The following CERS6 variants were observed in gnomAD, a reference collection of about 807,000 sequenced individuals.
CERS6 encodes ceramide synthase 6, also known as LAG1 homolog, ceramide synthase 6.
CERS6 carries 26 observed loss-of-function variants against 56.8 expected under a neutral mutation model. The ratio of observed to expected loss-of-function variants is 0.46; its 90% CI spans 0.34 to 0.63. The LOEUF (loss-of-function observed/expected upper bound fraction) is 0.63, where lower values mean the gene tolerates loss of function less well. Ranked by LOEUF, CERS6 falls within the 30% of genes least tolerant of loss-of-function variation. The pLI is 0.01. For synonymous variants in CERS6, 164 were observed against 173.3 expected (o/e 0.95, Z 0.42); for missense variants, 415 against 467.5 (o/e 0.89, Z 1.04).
chr2:168,607,296 C>T lies in CERS6; in HGVS notation c.408-23689C>T, dbSNP rs575577262. On this transcript the variant is annotated intron_variant, in intron 3 of 9. Transcript: ENST00000305747. ...AATAATGTTGCAACATCTTTCCTTA[C>T]TTTGATTATAAGAGATAATTCATTA... Among the ~76,000 whole-genome samples, 426 of 152,220 alleles carry T rather than the reference C, an allele frequency of 2.8e-3. 5 individuals are homozygous for T. Among genetic ancestry groups the T allele is most frequent in the African/African-American group, 9.3e-3 (388 of 41,540 alleles).
chr2:168,726,173 A>T (rs539628375), intron 8 of CERS6, among the ~76,000 whole-genome samples: 2 of 152,274 alleles, frequency 1.3e-5, no homozygotes, highest in East Asian at 3.9e-4. Flanking sequence ...GATTTCCTTA[A>T]ATCTTTGCAA....
intron 1 of CERS6, among the ~76,000 whole-genome samples, chr2:168,499,379 A>G (rs1694537930): frequency 1.3e-5 from 2 of 152,254 alleles, no homozygotes; most frequent in African/African-American, 4.8e-5. Context: ...AATTAGTTAT[A>G]TAGAACACAA....
intron 3 of CERS6, among the ~76,000 whole-genome samples, chr2:168,596,555 CTT>C (rs35269601): frequency 1.7e-4 from 20 of 114,820 alleles, no homozygotes; most frequent in African/African-American, 6.2e-4. Flanking sequence ...ATCCCCCCCC[CTT>C]TTTTTTTTTT....
chr2:168,619,296 T>A (rs908095734), intron 3 of CERS6, among the ~76,000 whole-genome samples: 1 of 152,156 alleles, frequency 6.6e-6, no homozygotes, highest in Non-Finnish European at 1.5e-5. Context: ...GACATTGGCT[T>A]AAGCAAGTTT....
intron 1 of CERS6, among the ~76,000 whole-genome samples, chr2:168,536,351 A>C (rs1043327325): frequency 5.9e-5 from 9 of 152,322 alleles, no homozygotes; most frequent in Non-Finnish European, 1.3e-4. Flanking sequence ...ACACACGTAG[A>C]GATCTAATGT....
chr2:168,587,626 G>C (rs748812838), intron 3 of CERS6, among the ~76,000 whole-genome samples: 1 of 152,198 alleles, frequency 6.6e-6, no homozygotes, highest in African/African-American at 2.4e-5. Context: ...GTGAAAAACC[G>C]TCTTTGCCTT....
chr2:168,655,475 A>G (rs993048313), intron 4 of CERS6, among the ~76,000 whole-genome samples: 2 of 152,244 alleles, frequency 1.3e-5, no homozygotes, highest in African/African-American at 2.4e-5. Context: ...TATGGAAACA[A>G]CCTCAGTGTC....
Position 168,608,277 on chromosome 2 carries a change from A to G in CERS6, c.408-22708A>G, listed in dbSNP as rs1684101437. Among the ~76,000 whole-genome samples the G allele has an allele frequency of 2.6e-5, 4 of 152,120 alleles. 1 individual carries two copies. Among genetic ancestry groups the G allele is most frequent in the African/African-American group, 2.4e-5 (1 of 41,408 alleles). On this transcript the variant is annotated intron_variant, in intron 3 of 9. Transcript: ENST00000305747. ...TTTATCCATTCACCATTGAGTGGGT[A>G]TTTTTCATTGTCTTTGCTTTTTGGC...
intron 3 of CERS6, among the ~76,000 whole-genome samples, chr2:168,615,216 G>C (rs2105277688): frequency 6.6e-6 from 1 of 152,268 alleles, no homozygotes; most frequent in African/African-American, 2.4e-5. Context: ...AATCTGAACA[G>C]CAGCCTTGAA....
intron 1 of CERS6, among the ~76,000 whole-genome samples, chr2:168,538,412 A>G (rs1158096640): frequency 6.6e-6 from 1 of 152,136 alleles, no homozygotes; most frequent in East Asian, 1.9e-4. Context: ...CAGAGCCTTC[A>G]TTCTTGGCCG....
rs113951892 is a variant in CERS6, at chr2:168,714,946, A to G, written c.610-55A>G. On this transcript the variant is annotated intron_variant, in intron 6 of 9. Transcript: ENST00000305747. ...ATACTGGTTCAGTGGCTGAATGGCT[A>G]AATGGAAATGTGATGTTGCTAAACT... 5 of 1,547,318 alleles carry G rather than the reference A, an allele frequency of 3.2e-6. No individual in the cohort carries two copies. In the African/African-American group the frequency reaches 4.1e-5, roughly 13 times the overall value.
chr2:168,470,559 T>G (rs1693958175), intron 1 of CERS6, among the ~76,000 whole-genome samples: 2 of 152,182 alleles, frequency 1.3e-5, no homozygotes, highest in African/African-American at 4.8e-5. Flanking sequence ...GTTCCTGGTG[T>G]GCTAATTCAT....
intron 8 of CERS6, among the ~76,000 whole-genome samples, chr2:168,747,909 C>T (rs1240276376): frequency 6.6e-6 from 1 of 152,064 alleles, no homozygotes; most frequent in Non-Finnish European, 1.5e-5. Context: ...CAGTTCAGCC[C>T]AAAGACTTCA....
intron 1 of CERS6, among the ~76,000 whole-genome samples, chr2:168,531,037 A>G (rs1399059069): frequency 2.0e-5 from 3 of 152,220 alleles, no homozygotes; most frequent in Non-Finnish European, 4.4e-5. Context: ...TTCAGAAAAC[A>G]ATCCTTAATT....
In CERS6 at chr2:168,765,660, A is replaced by G. The variant is rs770756910; in HGVS notation, c.914A>G (p.Asn305Ser). Residue 305 changes from asparagine to serine, a missense_variant, in exon 9 of 10, where the codon AAC becomes AGC. Physicochemically the swap from Asn to Ser is conservative, Grantham distance 46. Coordinates refer to ENST00000305747, the MANE Select transcript of CERS6 (RefSeq NM_203463.3). ...CCTTACCCTTCCTGGTGGGTTTTTA[A>G]CCTACTGCTATTGCTAGTACAAGGG... Reference protein sequence around the residue: ...VGPYPSWWVFNLLLLLVQGLN... With the variant: ...VGPYPSWWVFSLLLLLVQGLN... 2 of 1,614,098 alleles carry G rather than the reference A, an allele frequency of 1.2e-6. No individual in the cohort carries two copies. Among genetic ancestry groups the G allele is most frequent in the South Asian group, 2.2e-5 (2 of 91,074 alleles).
At chr2:168,654,359 C>T (rs1685418482) in intron 4 of CERS6, among the ~76,000 whole-genome samples, 1 of 152,032 alleles carries the variant, frequency 6.6e-6, no homozygotes, top group Admixed American at 6.6e-5. Flanking sequence ...GCCTAGCCAA[C>T]ATGGTGAAAC....
At chr2:168,604,390 CGTGT>C (rs57929934) in intron 3 of CERS6, among the ~76,000 whole-genome samples, 4,569 of 150,054 alleles carry the variant, frequency 0.03, 205 homozygotes, top group African/African-American at 0.099. Context: ...CAGTTGTATA[CGTGT>C]GTGTGTGTGT....
intron 9 of CERS6, among the ~76,000 whole-genome samples, chr2:168,766,163 T>C (rs868169022): frequency 6.6e-6 from 1 of 152,196 alleles, no homozygotes; most frequent in Non-Finnish European, 1.5e-5. Context: ...CCAACAAGAT[T>C]TAGTTAAATC....
intron 1 of CERS6, among the ~76,000 whole-genome samples, chr2:168,532,137 A>G (rs934994273): frequency 6.6e-6 from 1 of 152,088 alleles, no homozygotes; most frequent in Non-Finnish European, 1.5e-5. Flanking sequence ...CTAGAGAACA[A>G]TTCATATTTT....
Sources: gnomAD v4.1 joint callset for allele counts (sites outside exome capture counted in the v4.1 genomes callset) on GRCh38, gnomAD v4.1.1 for gene constraint, MANE v1.5 for transcripts, NCBI Gene and HGNC (gene_info 2026-07-23, HGNC 2026-07-21) for gene names.